The following TRPA1 variants were observed in gnomAD, a reference collection of about 807,000 sequenced individuals.
The protein encoded by TRPA1 is ankyrin-like with transmembrane domains 1.
A neutral mutation model predicts 131.3 loss-of-function variants in TRPA1; 129 were observed. The observed-to-expected ratio is 0.98, with a 90% CI of 0.85 to 1.14. The LOEUF is 1.14. TRPA1 is among the 50% of genes most tolerant of loss of function. The probability of loss-of-function intolerance (pLI) is 0.00; values close to 1 mark genes in which losing one functional copy is unlikely to be tolerated. For synonymous variants in TRPA1, 441 were observed against 451.7 expected (o/e 0.98, Z 0.30); for missense variants, 1,304 against 1,354.2 (o/e 0.96, Z 0.58).
At chr8:72,077,304 G>A (rs1806208045), upstream of TRPA1, among the ~76,000 whole-genome samples, 1 of 149,556 alleles carries the variant, frequency 6.7e-6, no homozygotes, top group South Asian at 2.1e-4. Flanking sequence ...GGGGGGGGCA[G>A]CGTGGGCCAG....
intron 21 of TRPA1, among the ~76,000 whole-genome samples, chr8:72,036,005 C>CAAAAAAAAAAAAAAAAAAAAAAAAA (rs58197251): frequency 4.4e-5 from 2 of 44,964 alleles, no homozygotes; most frequent in African/African-American, 9.3e-5. Flanking sequence ...TCCCCCTCCA[C>CAAAAAAAAAAAAAAAAAAAAAAAAA]AAAAAAAAAA....
the TRPA1 span, among the ~76,000 whole-genome samples, chr8:72,089,801 A>G: frequency 2.0e-5 from 3 of 152,238 alleles, no homozygotes; most frequent in South Asian, 6.2e-4. Flanking sequence ...TTTACAGTTA[A>G]AATCCAAACT....
chr8:72,044,657 C>A (rs756299666), intron 17 of TRPA1, among the ~76,000 whole-genome samples: 4 of 151,990 alleles, frequency 2.6e-5, no homozygotes, highest in Non-Finnish European at 5.9e-5. Flanking sequence ...CTCTCACTGG[C>A]TCCAGTTTGT....
chr8:72,052,888 C>T (rs10504525), intron 13 of TRPA1, 123 bp from the exon 14 acceptor site: 165,558 of 1,128,686 alleles, frequency 0.15, 13,270 homozygotes, highest in Middle Eastern at 0.23. Context: ...GCACTTAAAA[C>T]TGGTGTTCAG....
intron 21 of TRPA1, 151 bp from the exon 22 acceptor site, chr8:72,034,528 A>G: frequency 1.9e-6 from 1 of 522,584 alleles, no homozygotes; most frequent in Non-Finnish European, 3.3e-6. Context: ...CATAAGAATT[A>G]ATTGAATAAT....
At chr8:72,033,547 TC>T in intron 23 of TRPA1, 96 bp downstream of exon 23, 1 of 1,161,658 alleles carries the variant, frequency 8.6e-7, no homozygotes. Flanking sequence ...CTTCCTGATC[TC>T]CCCAGTGGAG....
chr8:72,089,277 G>A, the TRPA1 span, among the ~76,000 whole-genome samples: 1 of 151,998 alleles, frequency 6.6e-6, no homozygotes, highest in African/African-American at 2.4e-5. Context: ...TACTTTATAG[G>A]ATTTGGAAGT....
At chr8:72,059,645 A>G (rs973836569) in intron 7 of TRPA1, among the ~76,000 whole-genome samples, 1 of 152,220 alleles carries the variant, frequency 6.6e-6, no homozygotes, top group African/African-American at 2.4e-5. Flanking sequence ...GGAGAACACC[A>G]AATACATCAT....
At position 72,038,079 on chromosome 8, in the gene TRPA1, C is replaced by CA. The variant is rs750031637; in HGVS notation, c.2296-8dup. ...TTTTTATTAGATATGAATTCTAAAACAAAAAAGGATAAGACACATAGTTAT... is the reference window on the plus strand; with the variant it reads ...TTTTTATTAGATATGAATTCTAAAACAAAAAAAGGATAAGACACATAGTTAT... On this transcript the variant is annotated splice_region_variant and splice_polypyrimidine_tract_variant and intron_variant, in intron 19 of 26. Transcript: ENST00000262209. 1 of 1,371,078 alleles carries CA rather than the reference C, an allele frequency of 7.3e-7. No homozygotes were observed. The highest frequency in any genetic ancestry group is 1.0e-6 in the Non-Finnish European group (1 of 968,990). The allele number at this position is 1,371,078 out of a possible 1,614,324, so 84.9% of individuals were successfully genotyped here.
rs778562762 is a variant in TRPA1, at chr8:72,055,512, G to A, written c.1453C>T (p.Pro485Ser). 36 of 1,613,128 alleles carry A rather than the reference G, an allele frequency of 2.2e-5. No homozygotes were observed. The highest frequency in any genetic ancestry group is 2.8e-5 in the Non-Finnish European group (33 of 1,179,366). The change falls in exon 12 of 27, where the codon CCT (proline) becomes TCT (serine). Residue 485 changes from proline to serine, a missense_variant. Coordinates refer to ENST00000262209, the MANE Select transcript of TRPA1 (RefSeq NM_007332.3). The stretch of plus-strand genomic sequence containing the variant: ...CCATTCTTTGCTGCCAGATGGAGAG[G>A]AGTCATTCCATGAAGGTCACCTTCA... Reference protein sequence around the residue: ...LNEGDLHGMTPLHLAAKNGHD... With the variant: ...LNEGDLHGMTSLHLAAKNGHD...
rs184970399 is a variant in TRPA1, at chr8:72,030,027, G to T, written c.2869-58C>A. ...TTGAATGGTCCACCTAAAAATGCATGTAAGGTCTGTCTTAGTCCATTCAGA... is the reference window on the plus strand; with the variant it reads ...TTGAATGGTCCACCTAAAAATGCATTTAAGGTCTGTCTTAGTCCATTCAGA... On this transcript the variant is annotated intron_variant, in intron 23 of 26. Transcript: ENST00000262209. 3.9e-5 allele frequency: 57 copies of T among 1,463,970 alleles called. No individual in the cohort carries two copies. The African/African-American group carries it at 7.2e-4, about 19-fold the overall frequency. 90.7% of individuals were successfully genotyped at this position (1,463,970 alleles called of 1,614,324 possible).
rs550462002 is a variant in TRPA1, at chr8:72,021,422, T to C, written c.*1484A>G. The stretch of plus-strand genomic sequence containing the variant: ...CTTGTCTTTATGATCAGGAGATCTT[T>C]GGATATTGCTTCTGTATAGTGATTT... On this transcript the variant is annotated 3_prime_UTR_variant, in exon 27 of 27. Coordinates refer to ENST00000262209, the MANE Select transcript of TRPA1 (RefSeq NM_007332.3). 104 of 152,332 alleles carry C rather than the reference T, an allele frequency of 6.8e-4. No individual in the cohort carries two copies. Among genetic ancestry groups the C allele is most frequent in the African/African-American group, 2.5e-3 (102 of 41,572 alleles). 9.4% of individuals were successfully genotyped at this position (152,332 alleles called of 1,614,324 possible).
chr8:72,082,637 T>C, the TRPA1 span, among the ~76,000 whole-genome samples: 758 of 152,124 alleles, frequency 5.0e-3, 6 homozygotes, highest in African/African-American at 0.017. Flanking sequence ...TATTATTACA[T>C]TGCCTTCTGG....
chr8:72,060,623 G>T (rs1288471766), intron 7 of TRPA1, among the ~76,000 whole-genome samples: 3 of 151,802 alleles, frequency 2.0e-5, no homozygotes, highest in Non-Finnish European at 2.9e-5. Flanking sequence ...ATTTTTGAAG[G>T]TCTCAAATAT....
intron 24 of TRPA1, among the ~76,000 whole-genome samples, chr8:72,026,846 T>G (rs1291916451): frequency 6.6e-6 from 1 of 152,158 alleles, no homozygotes; most frequent in African/African-American, 2.4e-5. Flanking sequence ...TACTTTCCAA[T>G]ATTAGTGATT....
chr8:72,068,934 C>T lies in TRPA1; in HGVS notation c.444+89G>A, dbSNP rs1380029185. Reference sequence around the variant, plus strand: ...GTTTGCCATGGAAGCTTAGAAGGTGCTCATCCTGGTGCAAGCAGAGAGAGC... The same window carrying T: ...GTTTGCCATGGAAGCTTAGAAGGTGTTCATCCTGGTGCAAGCAGAGAGAGC... On this transcript the variant is annotated intron_variant, in intron 3 of 26. Transcript: ENST00000262209. 5.1e-6 allele frequency: 7 copies of T among 1,382,098 alleles called. No individual in the cohort carries two copies. The East Asian group carries it at 9.1e-5, about 18-fold the overall frequency. The allele number at this position is 1,382,098 out of a possible 1,614,324, so 85.6% of individuals were successfully genotyped here.
intron 19 of TRPA1, among the ~76,000 whole-genome samples, chr8:72,038,345 A>C (rs1381179462): frequency 1.1e-4 from 16 of 152,044 alleles, no homozygotes; most frequent in Non-Finnish European, 1.5e-4. Flanking sequence ...GCCAATATAA[A>C]ATTATTTATT....
In TRPA1 at chr8:72,055,541, A is replaced by G; in HGVS notation, c.1424T>C (p.Leu475Pro). ...CATTCCATGAAGGTCACCTTCATTCAGAAGCCTCGTATCACTTATGTCTTG... is the reference window on the plus strand; with the variant it reads ...CATTCCATGAAGGTCACCTTCATTCGGAAGCCTCGTATCACTTATGTCTTG... ...LLQDISDTRL[L>P]NEGDLHGMTP... Residue 475 changes from leucine to proline, a missense_variant, in exon 12 of 27, where the codon CTG (leucine) becomes CCG (proline). Physicochemically the swap from Leu to Pro is moderately conservative, Grantham distance 98. Transcript: ENST00000262209. The G allele has an allele frequency of 6.2e-7, 1 of 1,613,710 alleles. No homozygotes were observed. The highest frequency in any genetic ancestry group is 8.5e-7 in the Non-Finnish European group (1 of 1,179,702).
Position 72,033,789 on chromosome 8 carries a change from G to T in TRPA1, c.2723C>A (p.Thr908Asn). ...GATATCTCCTAGCATCATGCTGAAG[G>T]TCTGGATTATAGAAAGCAATGGAGA... ...FSSPLLSIIQ[T>N]FSMMLGDINY... Residue 908 changes from threonine (T) to asparagine (N), a missense_variant, in exon 23 of 27, where the codon ACC becomes AAC. Coordinates refer to ENST00000262209, the MANE Select transcript of TRPA1 (RefSeq NM_007332.3). The T allele has an allele frequency of 6.2e-7, 1 of 1,614,054 alleles. No homozygotes were observed. The highest frequency in any genetic ancestry group is 8.5e-7 in the Non-Finnish European group (1 of 1,179,982).
Sources: gnomAD v4.1 joint callset for allele counts (sites outside exome capture counted in the v4.1 genomes callset) on GRCh38, gnomAD v4.1.1 for gene constraint, MANE v1.5 for transcripts, NCBI Gene and HGNC (gene_info 2026-07-23, HGNC 2026-07-21) for gene names.